The following CDH4 variants were observed in gnomAD, a reference collection of about 807,000 sequenced individuals.
CDH4 encodes cadherin-4.
CDH4 carries 33 observed loss-of-function variants against 86.0 expected under a neutral mutation model. The observed-to-expected ratio is 0.38, with a 90% CI of 0.29 to 0.51. CDH4 has a LOEUF of 0.51. Ranked by LOEUF, CDH4 falls within the 20% of genes least tolerant of loss-of-function variation. The pLI is 0.86. For missense variants in CDH4, 1,114 were observed against 1,307.4 expected, an observed-to-expected ratio of 0.85 and a Z score of 2.28; for synonymous variants, 555 against 549.4, an observed-to-expected ratio of 1.01 and a Z score of -0.14.
chr20:61,910,736 G>A, intron 9 of CDH4, 129 bp downstream of exon 9: 1 of 860,216 alleles, frequency 1.2e-6, no homozygotes, highest in Non-Finnish European at 1.8e-6. Context: ...GGTAGAGGCA[G>A]GTAACCCAAC....
At chr20:61,303,982 A>G (rs1268676907) in intron 2 of CDH4, among the ~76,000 whole-genome samples, 1 of 152,104 alleles carries the variant, frequency 6.6e-6, no homozygotes, top group Admixed American at 6.6e-5. Context: ...TGTTCTTCTG[A>G]AGGTTAACAC....
chr20:61,453,048 CAAAT>C (rs768130938), intron 2 of CDH4, among the ~76,000 whole-genome samples: 33 of 151,678 alleles, frequency 2.2e-4, no homozygotes, highest in Non-Finnish European at 2.9e-4. Context: ...TATTAAGAAG[CAAAT>C]AAAGAAATGA....
chr20:61,638,960 G>A (rs749228009), intron 2 of CDH4, among the ~76,000 whole-genome samples: 3 of 152,210 alleles, frequency 2.0e-5, no homozygotes, highest in Non-Finnish European at 4.4e-5. Flanking sequence ...ATGGCGTTGT[G>A]ATAACGGAAT....
At chr20:61,253,734 T>C (rs2084079678) in intron 1 of CDH4, among the ~76,000 whole-genome samples, 1 of 151,718 alleles carries the variant, frequency 6.6e-6, no homozygotes, top group African/African-American at 2.4e-5. Context: ...GTGCTGGGGG[T>C]AGAGGGGCGC....
At chr20:61,602,694 TA>T (rs10641053) in intron 2 of CDH4, among the ~76,000 whole-genome samples, 1,392 of 89,102 alleles carry the variant, frequency 0.016, 24 homozygotes, top group African/African-American at 0.05. Context: ...TTCACTTTAT[TA>T]AAAAAAAAAA....
intron 13 of CDH4, among the ~76,000 whole-genome samples, chr20:61,930,193 G>T (rs1469311184): frequency 6.6e-6 from 1 of 152,194 alleles, no homozygotes; most frequent in Non-Finnish European, 1.5e-5. Context: ...CAGAGGGAAG[G>T]TCAGCCCTGC....
intron 2 of CDH4, among the ~76,000 whole-genome samples, chr20:61,550,590 G>A (rs2086122464): frequency 6.6e-6 from 1 of 152,062 alleles, no homozygotes; most frequent in Non-Finnish European, 1.5e-5. Flanking sequence ...CCTTCTCACG[G>A]GGATGACCTC....
At chr20:61,529,698 G>A (rs1479404764) in intron 2 of CDH4, among the ~76,000 whole-genome samples, 1 of 152,140 alleles carries the variant, frequency 6.6e-6, no homozygotes, top group African/African-American at 2.4e-5. Context: ...AGGGCCTTGA[G>A]GGAACGTCAC....
intron 2 of CDH4, among the ~76,000 whole-genome samples, chr20:61,423,947 G>A (rs1396665142): frequency 6.7e-6 from 1 of 149,456 alleles, no homozygotes; most frequent in East Asian, 1.9e-4. Context: ...CTGTACACAG[G>A]CACATGCCCA....
chr20:61,496,623 T>C (rs1465887650), intron 2 of CDH4, among the ~76,000 whole-genome samples: 1 of 152,244 alleles, frequency 6.6e-6, no homozygotes, highest in African/African-American at 2.4e-5. Flanking sequence ...GCCATCCATT[T>C]TAGGCACGCA....
chr20:61,874,338 A>G (rs1983929679), intron 7 of CDH4, among the ~76,000 whole-genome samples: 1 of 152,060 alleles, frequency 6.6e-6, no homozygotes, highest in Non-Finnish European at 1.5e-5. Flanking sequence ...GGCTGTGACG[A>G]AGGGGGCATG....
chr20:61,424,830 C>T (rs2085202908), intron 2 of CDH4, among the ~76,000 whole-genome samples: 1 of 152,252 alleles, frequency 6.6e-6, no homozygotes, highest in African/African-American at 2.4e-5. Context: ...CCAGTGCCCC[C>T]CACAGAGCAA....
intron 2 of CDH4, among the ~76,000 whole-genome samples, chr20:61,720,835 T>G (rs1484515201): frequency 1.3e-5 from 2 of 152,148 alleles, no homozygotes; most frequent in Non-Finnish European, 2.9e-5. Flanking sequence ...TCAAACACCC[T>G]GCCAGGTAGA....
chr20:61,919,386 G>A (rs1419889469), intron 9 of CDH4, among the ~76,000 whole-genome samples: 1 of 152,194 alleles, frequency 6.6e-6, no homozygotes, highest in Non-Finnish European at 1.5e-5. Flanking sequence ...GGGGAGTGGG[G>A]TTCAAAACAG....
At chr20:61,896,255 C>G (rs1362824667) in intron 8 of CDH4, among the ~76,000 whole-genome samples, 1 of 152,138 alleles carries the variant, frequency 6.6e-6, no homozygotes, top group Non-Finnish European at 1.5e-5. Context: ...CTCCGGGAGG[C>G]TAAGAGGGAG....
At chr20:61,339,541 G>A (rs1400800987) in intron 2 of CDH4, among the ~76,000 whole-genome samples, 2 of 152,134 alleles carry the variant, frequency 1.3e-5, no homozygotes, top group African/African-American at 4.8e-5. Context: ...GTCTTGTGAT[G>A]GGCTTGATGA....
At chr20:61,634,197 T>C (rs2086923620) in intron 2 of CDH4, among the ~76,000 whole-genome samples, 1 of 152,226 alleles carries the variant, frequency 6.6e-6, no homozygotes, top group Admixed American at 6.5e-5. Flanking sequence ...GCTCAGGGCA[T>C]GGGCCACCCC....
intron 2 of CDH4, among the ~76,000 whole-genome samples, chr20:61,487,671 A>C (rs1216635332): frequency 2.0e-5 from 3 of 152,196 alleles, no homozygotes; most frequent in African/African-American, 7.2e-5. Context: ...CAGCAGGTTA[A>C]TTTGTACTAG....
intron 2 of CDH4, among the ~76,000 whole-genome samples, chr20:61,609,277 A>C (rs780877144): frequency 6.6e-6 from 1 of 152,108 alleles, no homozygotes; most frequent in Non-Finnish European, 1.5e-5. Flanking sequence ...GAAAATGACC[A>C]CAGAGAAGAC....
Sources: allele counts gnomAD v4.1 joint callset (sites outside exome capture counted in the v4.1 genomes callset), GRCh38; gene constraint gnomAD v4.1.1; transcripts MANE v1.5; gene names NCBI Gene and HGNC (gene_info 2026-07-23, HGNC 2026-07-21).